Variants in ST8SIA2 observed in about 807,000 individuals in gnomAD.
ST8SIA2 encodes alpha-2,8-sialyltransferase 8B.
In ST8SIA2, 22 loss-of-function variants were observed where a neutral mutation model predicts 37.6. That is an observed-to-expected ratio of 0.58 (90% CI 0.42 to 0.83). The LOEUF (loss-of-function observed/expected upper bound fraction) is 0.83. ST8SIA2 is among the 40% of genes least tolerant of loss of function. ST8SIA2 has a pLI of 0.00. For synonymous variants in ST8SIA2, 205 were observed against 201.2 expected, an observed-to-expected ratio of 1.02 and a Z score of -0.16; for missense variants, 382 against 484.7, an observed-to-expected ratio of 0.79 and a Z score of 1.99.
intron 2 of ST8SIA2, among the ~76,000 whole-genome samples, chr15:92,433,439 A>G (rs1429965835): frequency 1.3e-5 from 2 of 152,196 alleles, no homozygotes; most frequent in Non-Finnish European, 2.9e-5. Flanking sequence ...GAAACCTACT[A>G]GCATAGATTT....
intron 2 of ST8SIA2, among the ~76,000 whole-genome samples, chr15:92,432,160 G>C (rs987485672): frequency 2.0e-5 from 3 of 152,160 alleles, no homozygotes; most frequent in Admixed American, 6.5e-5. Flanking sequence ...CCAGAGCCCA[G>C]TCACTGATTT....
At chr15:92,414,208 C>T (rs1397013223) in intron 1 of ST8SIA2, among the ~76,000 whole-genome samples, 1 of 152,222 alleles carries the variant, frequency 6.6e-6, no homozygotes, top group East Asian at 1.9e-4. Flanking sequence ...AATAAAATCA[C>T]AGGGGACAAC....
intron 1 of ST8SIA2, among the ~76,000 whole-genome samples, chr15:92,423,102 A>G (rs1345272418): frequency 6.6e-6 from 1 of 152,258 alleles, no homozygotes; most frequent in African/African-American, 2.4e-5. Flanking sequence ...AGGCAAATTC[A>G]TAAAGATAGG....
intron 5 of ST8SIA2, among the ~76,000 whole-genome samples, chr15:92,453,522 G>A (rs758251493): frequency 6.6e-6 from 1 of 152,238 alleles, no homozygotes; most frequent in Non-Finnish European, 1.5e-5. Flanking sequence ...CCAACCATCA[G>A]TGGGTGTGTG....
At chr15:92,463,788 C>T (rs2049972620) in intron 5 of ST8SIA2, among the ~76,000 whole-genome samples, 1 of 152,188 alleles carries the variant, frequency 6.6e-6, no homozygotes, top group Non-Finnish European at 1.5e-5. Context: ...AAGTGCTGCC[C>T]CTTTCTACCC....
intron 1 of ST8SIA2, among the ~76,000 whole-genome samples, chr15:92,410,931 C>A (rs925177859): frequency 5.9e-5 from 9 of 152,106 alleles, no homozygotes; most frequent in African/African-American, 2.2e-4. Context: ...TGGCCAGGAC[C>A]AAGAAAGTTT....
chr15:92,435,963 G>A (rs1339213862), intron 3 of ST8SIA2, among the ~76,000 whole-genome samples: 1 of 152,052 alleles, frequency 6.6e-6, no homozygotes, highest in African/African-American at 2.4e-5. Context: ...GGCTCCAAGG[G>A]AGAACCCATC....
intron 1 of ST8SIA2, among the ~76,000 whole-genome samples, chr15:92,423,078 A>G (rs2049648539): frequency 6.6e-6 from 1 of 152,262 alleles, no homozygotes; most frequent in Non-Finnish European, 1.5e-5. Flanking sequence ...CTACTTACAT[A>G]AAATAGCTAA....
intron 1 of ST8SIA2, among the ~76,000 whole-genome samples, chr15:92,421,606 T>A (rs2049634721): frequency 6.6e-6 from 1 of 152,334 alleles, no homozygotes; most frequent in Non-Finnish European, 1.5e-5. Flanking sequence ...ATAGGTTAAG[T>A]AATACTCAAA....
chr15:92,407,287 T>G (rs2049515535), intron 1 of ST8SIA2, among the ~76,000 whole-genome samples: 1 of 152,218 alleles, frequency 6.6e-6, no homozygotes, highest in Non-Finnish European at 1.5e-5. Context: ...TTTCTCTTCC[T>G]TTGTCCTCCC....
rs747839924 is a variant in ST8SIA2 at position 92,394,049 on chromosome 15, C to T, written c.-16C>T. 1.9e-6 allele frequency: 3 copies of T among 1,543,054 alleles called. No individual in the cohort carries two copies. Among genetic ancestry groups the T allele is most frequent in the African/African-American group, 2.8e-5 (2 of 72,312 alleles). ...TCGCGCCGGCCCGCGTGGGTCCCGG[C>T]GGGCGCGAACCCACCATGCAGCTGC... On this transcript the variant is annotated 5_prime_UTR_variant, in exon 1 of 6. Transcript: ENST00000268164.
intron 5 of ST8SIA2, among the ~76,000 whole-genome samples, chr15:92,453,640 C>T (rs1307136690): frequency 1.3e-5 from 2 of 152,170 alleles, no homozygotes; most frequent in East Asian, 3.9e-4. Context: ...TGGCCAGATC[C>T]CACTTAGAGA....
At chr15:92,437,718 C>G (rs1233340343) in intron 3 of ST8SIA2, among the ~76,000 whole-genome samples, 3 of 152,106 alleles carry the variant, frequency 2.0e-5, no homozygotes, top group Admixed American at 2.0e-4. Flanking sequence ...TTGCAATGTG[C>G]CCAGAGAAAC....
intron 5 of ST8SIA2, among the ~76,000 whole-genome samples, chr15:92,451,710 C>T (rs2049882941): frequency 1.3e-5 from 2 of 152,142 alleles, no homozygotes; most frequent in African/African-American, 4.8e-5. Context: ...CGCTTACATG[C>T]CGCACGCCAT....
chr15:92,465,295 G>C lies in ST8SIA2; in HGVS notation c.*910G>C, dbSNP rs1369872588. On this transcript the variant is annotated 3_prime_UTR_variant, in exon 6 of 6. Coordinates refer to ENST00000268164, the MANE Select transcript of ST8SIA2 (RefSeq NM_006011.4). ...AGAGACCCTGGGATTTCACCCTCTG[G>C]GTTAGTCTCTGTCTCACCCTGTTAG... is the stretch of plus-strand genomic sequence containing the variant. 6.6e-6 allele frequency: 1 copy of C among 152,142 alleles called. No individual in the cohort carries two copies. Among genetic ancestry groups the C allele is most frequent in the Admixed American group, 6.6e-5 (1 of 15,266 alleles). 9.4% of individuals were successfully genotyped at this position (152,142 alleles called of 1,614,324 possible).
chr15:92,464,727 G>T lies in ST8SIA2; in HGVS notation c.*342G>T. ...GACTTTGGATGACAAACTGCCTCCT[G>T]GCTTGGAGGGATCTTTGGGCTCATG... On this transcript the variant is annotated 3_prime_UTR_variant, in exon 6 of 6. Transcript: ENST00000268164. 1 of 319,234 alleles carries T rather than the reference G, an allele frequency of 3.1e-6. No homozygotes were observed. The highest frequency in any genetic ancestry group is 5.9e-6 in the Non-Finnish European group (1 of 169,474). 19.8% of individuals were successfully genotyped at this position (319,234 alleles called of 1,614,324 possible).
Position 92,464,259 on chromosome 15 carries a change from C to T in ST8SIA2, c.1002C>T (p.Ser334=), listed in dbSNP as rs1439679571. ...QNPVKYHYYD[S]LKYGYTSQAS... is the part of the protein sequence containing the mutation. ...CAGTCAAGTACCACTATTATGACAGCCTCAAGTATGGCTACACCTCCCAGG... is the reference window on the plus strand; with the variant it reads ...CAGTCAAGTACCACTATTATGACAGTCTCAAGTATGGCTACACCTCCCAGG... Residue 334 remains serine, a synonymous_variant, in exon 6 of 6, where the codon AGC becomes AGT. Coordinates refer to ENST00000268164, the MANE Select transcript of ST8SIA2 (RefSeq NM_006011.4). 6.2e-7 allele frequency: 1 copy of T among 1,613,930 alleles called. No individual in the cohort carries two copies. Among genetic ancestry groups the T allele is most frequent in the East Asian group, 2.2e-5 (1 of 44,856 alleles).
intron 1 of ST8SIA2, among the ~76,000 whole-genome samples, chr15:92,398,338 C>T (rs1395924484): frequency 1.3e-5 from 2 of 152,148 alleles, no homozygotes; most frequent in Non-Finnish European, 2.9e-5. Context: ...TCTTTTGTAA[C>T]CCAATGTCCT....
chr15:92,418,313 A>T (rs932489760), intron 1 of ST8SIA2, among the ~76,000 whole-genome samples: 4 of 151,710 alleles, frequency 2.6e-5, no homozygotes, highest in Middle Eastern at 3.4e-3. Flanking sequence ...ACAAAAAAAA[A>T]ATATGGGGCA....
Sources: allele counts gnomAD v4.1 joint callset (sites outside exome capture counted in the v4.1 genomes callset), GRCh38; gene constraint gnomAD v4.1.1; transcripts MANE v1.5; gene names NCBI Gene and HGNC (gene_info 2026-07-23, HGNC 2026-07-21).